The following TDG variants were observed in gnomAD, a reference collection of about 807,000 sequenced individuals.
TDG encodes thymine DNA glycosylase.
Under a neutral mutation model 46.1 loss-of-function variants are expected in TDG, and 23 were observed. That is an observed-to-expected ratio of 0.50 (90% CI 0.36 to 0.71). The LOEUF (loss-of-function observed/expected upper bound fraction) is 0.71, where lower values mean the gene tolerates loss of function less well. TDG is among the 30% of genes least tolerant of loss of function. The pLI is 0.00. For synonymous variants in TDG, 115 were observed against 161.3 expected (o/e 0.71, Z 2.18); for missense variants, 304 against 486.7 (o/e 0.62, Z 3.53).
intron 1 of TDG, chr12:103,967,969 C>G (rs202064167): frequency 8.6e-6 from 1 of 116,600 alleles, no homozygotes; most frequent in East Asian, 1.9e-4. Context: ...TCTGGGACTA[C>G]AGGTACCCAA....
At chr12:103,977,190 T>C (rs1871584179) in intron 2 of TDG, 130 bp downstream of exon 2, 1 of 1,276,966 alleles carries the variant, frequency 7.8e-7, no homozygotes, top group Non-Finnish European at 1.1e-6. Flanking sequence ...GTACTTAGTA[T>C]GTGCTAAGCA....
chr12:103,976,270 G>A (rs73177950), intron 1 of TDG, among the ~76,000 whole-genome samples: 13,408 of 151,866 alleles, frequency 0.088, 782 homozygotes, highest in East Asian at 0.31. Context: ...CCAGGCATTG[G>A]GGCTCGCTCC....
rs1286626407 is a variant in TDG at position 103,988,337 on chromosome 12, T to C, written c.*1247T>C. The C allele has an allele frequency of 3.9e-5, 6 of 152,694 alleles. No homozygotes were observed. The highest frequency in any genetic ancestry group is 1.4e-4 in the African/African-American group (6 of 41,478). The allele number at this position is 152,694 out of a possible 1,614,324, so 9.5% of individuals were successfully genotyped here. A position where few individuals can be genotyped will look rare whatever the true frequency, so the allele number is the denominator to read the frequency against. ...TCTCCCCCACCCCCAGGAGGTTATA[T>C]GATTGCTCTTCTCTTTATAATAAGA... On this transcript the variant is annotated 3_prime_UTR_variant, in exon 10 of 10. Transcript: ENST00000392872.
chr12:103,984,996 C>CATATACAT lies in TDG; in HGVS notation c.964+88_964+95dup, dbSNP rs938503760. 7 of 1,178,536 alleles carry CATATACAT rather than the reference C, an allele frequency of 5.9e-6. No individual in the cohort carries two copies. The Admixed American group carries it at 1.5e-4, about 26-fold the overall frequency. 73.0% of individuals were successfully genotyped at this position (1,178,536 alleles called of 1,614,324 possible). A position where few individuals can be genotyped will look rare whatever the true frequency, so the allele number is the denominator to read the frequency against. On this transcript the variant is annotated intron_variant, in intron 8 of 9. Transcript: ENST00000392872. Reference sequence around the variant, plus strand: ...ACATATATACTTACATATATATACACATATACATATATACATATACACATA... The same window carrying CATATACAT: ...ACATATATACTTACATATATATACACATATACATATATACATATATACATATACACATA...
In TDG at chr12:103,977,187, G is replaced by A. The variant is rs569849657; in HGVS notation, c.166+127G>A. 105 of 1,318,960 alleles carry A rather than the reference G, an allele frequency of 8.0e-5. No individual in the cohort carries two copies. In the African/African-American group the frequency reaches 1.5e-3, roughly 19 times the overall value. 81.7% of individuals were successfully genotyped at this position (1,318,960 alleles called of 1,614,324 possible). A position where few individuals can be genotyped will look rare whatever the true frequency, so the allele number is the denominator to read the frequency against. Reference sequence around the variant, plus strand: ...GTCAAATCCACTTTTTAAGTACTTAGTATGTGCTAAGCACTGATAGGTTCT... The same window carrying A: ...GTCAAATCCACTTTTTAAGTACTTAATATGTGCTAAGCACTGATAGGTTCT... On this transcript the variant is annotated intron_variant, in intron 2 of 9. Coordinates refer to ENST00000392872, the MANE Select transcript of TDG (RefSeq NM_003211.6).
chr12:103,982,689 T>C (rs917265894), intron 4 of TDG, 110 bp from the exon 5 acceptor site: 3 of 1,091,336 alleles, frequency 2.7e-6, no homozygotes, highest in Non-Finnish European at 3.9e-6. Flanking sequence ...TGCTTGAGCC[T>C]CGGTGGTCGA....
chr12:103,973,149 A>G (rs2136233964), intron 1 of TDG: 1 of 638,814 alleles, frequency 1.6e-6, no homozygotes, highest in East Asian at 2.9e-5. Flanking sequence ...CAATGGCATC[A>G]TCTCGGCTCA....
At chr12:103,982,458 A>G (rs1456658588) in intron 4 of TDG, among the ~76,000 whole-genome samples, 3 of 152,174 alleles carry the variant, frequency 2.0e-5, no homozygotes, top group Non-Finnish European at 2.9e-5. Context: ...TAATAATAGT[A>G]TCTTGCAAGA....
rs148223503 is a variant in TDG, at chr12:103,969,377, A to G, written c.23+3317A>G. Among the ~76,000 whole-genome samples, 522 of 152,344 alleles carry G rather than the reference A, an allele frequency of 3.4e-3. 3 individuals carry two copies. The highest frequency in any genetic ancestry group is 0.012 in the African/African-American group (492 of 41,574). The stretch of plus-strand genomic sequence containing the variant: ...GCAAGATGGAGATGGACTGATGGCA[A>G]TCCAGTTAGGTGAAATAAAAACCTG... On this transcript the variant is annotated intron_variant, in intron 1 of 9. Coordinates refer to ENST00000392872, the MANE Select transcript of TDG (RefSeq NM_003211.6).
chr12:103,981,132 T>C (rs554528871), intron 4 of TDG, among the ~76,000 whole-genome samples, 170 bp downstream of exon 4: 1 of 151,908 alleles, frequency 6.6e-6, no homozygotes, highest in Non-Finnish European at 1.5e-5. Flanking sequence ...TTTGAAATGA[T>C]ATGTTACTGT....
chr12:103,981,800 A>T (rs1393350215), intron 4 of TDG, among the ~76,000 whole-genome samples: 1 of 152,176 alleles, frequency 6.6e-6, no homozygotes, highest in Non-Finnish European at 1.5e-5. Flanking sequence ...ACTTGAGGCC[A>T]GGAGTTTGAG....
At chr12:103,978,048 G>A (rs1452421208) in intron 2 of TDG, among the ~76,000 whole-genome samples, 1 of 150,668 alleles carries the variant, frequency 6.6e-6, no homozygotes, top group Non-Finnish European at 1.5e-5. Flanking sequence ...GCAATAGTGC[G>A]AGACTCTGTC....
chr12:103,976,885 A>G (rs1156998522), intron 1 of TDG, 33 bp from the exon 2 acceptor site: 6 of 1,609,278 alleles, frequency 3.7e-6, no homozygotes, highest in Non-Finnish European at 5.1e-6. Context: ...GGGTAATTTT[A>G]TCATTACATC....
intron 9 of TDG, 113 bp downstream of exon 9, chr12:103,985,841 A>G (rs1256209052): frequency 5.7e-6 from 7 of 1,224,290 alleles, no homozygotes; most frequent in Non-Finnish European, 6.5e-6. Context: ...ATAATATGAA[A>G]TTTTATTTAG....
At position 103,984,797 on chromosome 12, in the gene TDG, C is replaced by G; in HGVS notation, c.841C>G (p.Arg281Gly). Residue 281 changes from arginine (R) to glycine (G), a missense_variant, in exon 8 of 10, where the codon CGA becomes GGA. Arg to Gly is a moderately radical substitution (Grantham distance 125). Transcript: ENST00000392872. ...CAGTGCAAGATGTGCTCAGTTTCCT[C>G]GAGCCCAAGACAAAGTTCATTACTA... The part of the protein sequence containing the change: ...SSSARCAQFP[R>G]AQDKVHYYIK... 1.2e-6 allele frequency: 2 copies of G among 1,612,718 alleles called. No homozygotes were observed. Among genetic ancestry groups the G allele is most frequent in the Non-Finnish European group, 1.7e-6 (2 of 1,178,926 alleles).
intron 8 of TDG, among the ~76,000 whole-genome samples, chr12:103,985,168 C>CAT (rs749309106): frequency 0.043 from 3,102 of 72,138 alleles, 43 homozygotes; most frequent in African/African-American, 0.093. Flanking sequence ...TAGACACATA[C>CAT]ACACACACAC....
At chr12:103,974,580 C>G (rs1217807103) in intron 1 of TDG, among the ~76,000 whole-genome samples, 1 of 152,168 alleles carries the variant, frequency 6.6e-6, no homozygotes, top group African/African-American at 2.4e-5. Flanking sequence ...CGTGCCTGGC[C>G]TCATTTCCCT....
At chr12:103,977,351 G>A (rs4135086) in intron 2 of TDG, among the ~76,000 whole-genome samples, 2 of 152,130 alleles carry the variant, frequency 1.3e-5, no homozygotes, top group Admixed American at 6.5e-5. Flanking sequence ...AGCTTATGGG[G>A]TTGGCTTCTA....
chr12:103,966,205 G>A lies in TDG; in HGVS notation c.23+145G>A, dbSNP rs1871010086. On this transcript the variant is annotated intron_variant, in intron 1 of 9. Transcript: ENST00000392872. ...CGCGCGTGCGCACTGTGGCCTGGTCGGCCTTTCCTTCCCTGGCTGCGGCGG... is the reference window on the plus strand; with the variant it reads ...CGCGCGTGCGCACTGTGGCCTGGTCAGCCTTTCCTTCCCTGGCTGCGGCGG... The A allele has an allele frequency of 1.4e-5, 16 of 1,126,326 alleles. No homozygotes were observed. The South Asian group carries it at 2.3e-4, about 16-fold the overall frequency. 69.8% of individuals were successfully genotyped at this position (1,126,326 alleles called of 1,614,324 possible).
Sources: gnomAD v4.1 joint callset for allele counts (sites outside exome capture counted in the v4.1 genomes callset) on GRCh38, gnomAD v4.1.1 for gene constraint, MANE v1.5 for transcripts, NCBI Gene and HGNC (gene_info 2026-07-23, HGNC 2026-07-21) for gene names.